Variants in PRC1 observed in about 807,000 individuals in gnomAD.
The protein encoded by PRC1 is anaphase spindle elongation 1 homolog.
PRC1 carries 54 observed loss-of-function variants against 91.2 expected under a neutral mutation model. The ratio of observed to expected loss-of-function variants is 0.59; its 90% confidence interval spans 0.48 to 0.74. The LOEUF is 0.74. Ranked by LOEUF, PRC1 falls within the 30% of genes least tolerant of loss-of-function variation. The probability of loss-of-function intolerance (pLI) is 0.00; values close to 1 mark genes in which losing one functional copy is unlikely to be tolerated. For missense variants in PRC1, 727 were observed against 746.2 expected, an observed-to-expected ratio of 0.97 and a Z score of 0.30; for synonymous variants, 275 against 263.6, an observed-to-expected ratio of 1.04 and a Z score of -0.42.
chr15:90,984,932 A>G lies in PRC1; in HGVS notation c.12-107T>C. On this transcript the variant is annotated intron_variant, in intron 1 of 14. Transcript: ENST00000394249. This position sits in a 1 kb window ranked among gnomAD's most constrained non-coding sequence, Gnocchi z 5.1. ...ACTAGCTTCTCAGTGGCCTCGAGAA[A>G]AAAACAAATTGAAAACAAGCATTCA... 1 of 1,403,230 alleles carries G rather than the reference A, an allele frequency of 7.1e-7. No individual in the cohort carries two copies. Among genetic ancestry groups the G allele is most frequent in the Non-Finnish European group, 9.7e-7 (1 of 1,030,482 alleles). The allele number at this position is 1,403,230 out of a possible 1,614,324, so 86.9% of individuals were successfully genotyped here.
chr15:90,968,156 C>T (rs2037699529), intron 14 of PRC1: 1 of 985,450 alleles, frequency 1.0e-6, no homozygotes. Flanking sequence ...TAGGCAGGTA[C>T]ATTTAAGCCT....
rs763297582 is a variant in PRC1 at position 90,967,169 on chromosome 15, T to C, written c.1825A>G (p.Thr609Ala). ...ELSKASKSDA[T>A]SGILNSTNIQ... ...TTGGTTGAATTGAGGATTCCAGAAG[T>C]AGCATCAGATTTGGAAGCCTTTGAA... is the stretch of plus-strand genomic sequence containing the variant. The change falls in exon 15 of 15, where the codon ACT (threonine) becomes GCT (alanine). Residue 609 changes from threonine to alanine, a missense_variant. Transcript: ENST00000394249. 22 of 1,614,024 alleles carry C rather than the reference T, an allele frequency of 1.4e-5. No homozygotes were observed. The Admixed American group carries it at 2.5e-4, about 18-fold the overall frequency.
intron 11 of PRC1, among the ~76,000 whole-genome samples, chr15:90,973,310 TAAC>T (rs1317871835): frequency 6.6e-6 from 1 of 152,254 alleles, no homozygotes; most frequent in African/African-American, 2.4e-5. Flanking sequence ...TGTGCCTTGT[TAAC>T]AATATGTTTA....
At position 90,981,744 on chromosome 15, in the gene PRC1, G is replaced by A. The variant is rs763229946; in HGVS notation, c.501+4C>T. ...TTTAGGAAGAACAAATGTAGGCAGTGTACCTTTGTTTCCCTCAAAGTTGTC... is the reference window on the plus strand; with the variant it reads ...TTTAGGAAGAACAAATGTAGGCAGTATACCTTTGTTTCCCTCAAAGTTGTC... On this transcript the variant is annotated splice_donor_region_variant and intron_variant, in intron 4 of 14. Coordinates refer to ENST00000394249, the MANE Select transcript of PRC1 (RefSeq NM_003981.4). 2 of 1,609,768 alleles carry A rather than the reference G, an allele frequency of 1.2e-6. No homozygotes were observed. Among genetic ancestry groups the A allele is most frequent in the Admixed American group, 1.7e-5 (1 of 59,694 alleles).
intron 11 of PRC1, among the ~76,000 whole-genome samples, chr15:90,971,282 G>T (rs1314161638): frequency 6.6e-6 from 1 of 152,134 alleles, no homozygotes; most frequent in Non-Finnish European, 1.5e-5. Context: ...ATATGCTAAT[G>T]ATAAGAGCTG....
In PRC1 at chr15:90,966,721, C is replaced by G. The variant is rs560777731; in HGVS notation, c.*410G>C. 1 of 440,538 alleles carries G rather than the reference C, an allele frequency of 2.3e-6. No individual in the cohort carries two copies. 27.3% of individuals were successfully genotyped at this position (440,538 alleles called of 1,614,324 possible). ...ATAGCTACAGCATTAATTGAACATG[C>G]CTAAACAAAAAAGATGTTAATTACT... On this transcript the variant is annotated 3_prime_UTR_variant, in exon 15 of 15. Transcript: ENST00000394249.
chr15:90,975,039 G>C (rs573016079), intron 9 of PRC1, among the ~76,000 whole-genome samples: 1 of 152,342 alleles, frequency 6.6e-6, no homozygotes, highest in South Asian at 2.1e-4. Context: ...ATTAGGAGCA[G>C]GACTCTGAAA....
chr15:90,976,568 A>T (rs2038720066), intron 9 of PRC1, 108 bp downstream of exon 9: 1 of 922,124 alleles, frequency 1.1e-6, no homozygotes, highest in Non-Finnish European at 1.7e-6. Flanking sequence ...ATCTCTGCCT[A>T]AGCTTTGAAG....
At position 90,984,923 on chromosome 15, in the gene PRC1, C is replaced by CTAGT. The variant is rs1596321623; in HGVS notation, c.12-99_12-98insACTA. The stretch of plus-strand genomic sequence containing the variant: ...ACTAAAAAGACTAGCTTCTCAGTGG[C>CTAGT]CTCGAGAAAAAAACAAATTGAAAAC... On this transcript the variant is annotated intron_variant, in intron 1 of 14. Coordinates refer to ENST00000394249, the MANE Select transcript of PRC1 (RefSeq NM_003981.4). The surrounding 1 kb of genome is among the most constrained non-coding windows in gnomAD (Gnocchi z 5.1). 6.8e-7 allele frequency: 1 copy of CTAGT among 1,473,854 alleles called. No individual in the cohort carries two copies. Among genetic ancestry groups the CTAGT allele is most frequent in the East Asian group, 2.3e-5 (1 of 43,628 alleles). The allele number at this position is 1,473,854 out of a possible 1,614,324, so 91.3% of individuals were successfully genotyped here. A position where few individuals can be genotyped will look rare whatever the true frequency, so the allele number is the denominator to read the frequency against.
At chr15:90,993,202 G>T (rs1392505241) in intron 1 of PRC1, among the ~76,000 whole-genome samples, 1 of 139,196 alleles carries the variant, frequency 7.2e-6, no homozygotes, top group Non-Finnish European at 1.5e-5. Context: ...TTCATAAACT[G>T]TTAATGGACT....
At chr15:90,978,274 C>T (rs140498224) in intron 8 of PRC1, among the ~76,000 whole-genome samples, 7 of 152,294 alleles carry the variant, frequency 4.6e-5, no homozygotes, top group African/African-American at 7.2e-5. Context: ...CCTGCCCCAA[C>T]ATCCATTCTT....
intron 1 of PRC1, among the ~76,000 whole-genome samples, chr15:90,987,373 G>A (rs1237938211): frequency 6.6e-6 from 1 of 152,152 alleles, no homozygotes; most frequent in Non-Finnish European, 1.5e-5. Context: ...CTGGTAGAGG[G>A]CTTCTGGGTT....
At chr15:90,986,503 T>C (rs1567203002) in intron 1 of PRC1, among the ~76,000 whole-genome samples, 1 of 152,210 alleles carries the variant, frequency 6.6e-6, no homozygotes, top group East Asian at 1.9e-4. Context: ...GCGCCTGTAA[T>C]CCCAGCTACT....
rs2039962949 is a variant in PRC1 at position 90,991,207 on chromosome 15, G to T, written c.11+3200C>A. On this transcript the variant is annotated intron_variant, in intron 1 of 14. Coordinates refer to ENST00000394249, the MANE Select transcript of PRC1 (RefSeq NM_003981.4). ...AAGGCGGGCGGATCACCTGAGATCAGGAGCTCGAGACCAGCCTGGCCAACA... is the reference window on the plus strand; with the variant it reads ...AAGGCGGGCGGATCACCTGAGATCATGAGCTCGAGACCAGCCTGGCCAACA... 3.3e-5 allele frequency among the ~76,000 whole-genome samples: 5 copies of T among 151,842 alleles called. No individual in the cohort carries two copies. The South Asian group carries it at 1.0e-3, about 32-fold the overall frequency.
In PRC1 at chr15:90,994,486, AC is replaced by A. The variant is rs993582528; in HGVS notation, c.-70del. 2.4e-5 allele frequency: 37 copies of A among 1,542,938 alleles called. No homozygotes were observed. In the Middle Eastern group the frequency reaches 1.4e-3, roughly 59 times the overall value. On this transcript the variant is annotated 5_prime_UTR_variant, in exon 1 of 15. Coordinates refer to ENST00000394249, the MANE Select transcript of PRC1 (RefSeq NM_003981.4). ...CCACACGGCCCCGAGAGCAACAACC[AC>A]CCGCAAACACCGGCGATGTCACTCC... is the stretch of plus-strand genomic sequence containing the variant.
At position 90,971,932 on chromosome 15, in the gene PRC1, G is replaced by A. The variant is rs2038168004; in HGVS notation, c.1462-1418C>T. Among the ~76,000 whole-genome samples, 3 of 152,240 alleles carry A rather than the reference G, an allele frequency of 2.0e-5. No individual in the cohort carries two copies. The South Asian group carries it at 6.2e-4, about 32-fold the overall frequency. The stretch of plus-strand genomic sequence containing the variant: ...AGTCCCAGCTACTCAGGAGGCTGAG[G>A]CACGAGAATCACTTGAACCCAGGAG... On this transcript the variant is annotated intron_variant, in intron 11 of 14. Transcript: ENST00000394249.
intron 5 of PRC1, 109 bp downstream of exon 5, chr15:90,981,388 TTC>T (rs1467164674): frequency 2.3e-6 from 3 of 1,281,588 alleles, no homozygotes; most frequent in Non-Finnish European, 3.2e-6. Context: ...GCTTCCCTCA[TTC>T]TCTTACCTTA....
intron 14 of PRC1, chr15:90,967,796 A>G: frequency 1.0e-6 from 1 of 965,804 alleles, no homozygotes; most frequent in Non-Finnish European, 1.2e-6. Context: ...AAATTGCCCC[A>G]CATTCTCAGA....
At chr15:90,981,473 T>G in intron 5 of PRC1, 26 bp downstream of exon 5, 1 of 1,612,784 alleles carries the variant, frequency 6.2e-7, no homozygotes, top group Non-Finnish European at 8.5e-7. Flanking sequence ...ACGGAGATCC[T>G]AGGGCATAAT....
Sources: gnomAD v4.1 joint callset for allele counts (sites outside exome capture counted in the v4.1 genomes callset) on GRCh38, gnomAD v4.1.1 for gene constraint, Gnocchi (gnomAD v3.1) non-coding constraint, MANE v1.5 for transcripts, NCBI Gene and HGNC (gene_info 2026-07-23, HGNC 2026-07-21) for gene names.